SH3PXD2B: variants seen among roughly 807,000 people sequenced by gnomAD.
SH3PXD2B encodes the protein SH3 and PX domains 2B, also known as SH3 and PX domain-containing protein 2B.
A neutral mutation model predicts 73.1 loss-of-function variants in SH3PXD2B; 37 were observed. That is an observed-to-expected ratio of 0.51 (90% CI 0.39 to 0.67). The LOEUF (loss-of-function observed/expected upper bound fraction) is 0.67, where lower values mean the gene tolerates loss of function less well. SH3PXD2B is among the 30% of genes least tolerant of loss of function. The pLI, the probability that SH3PXD2B is intolerant of heterozygous loss-of-function variation, is 0.00. For missense variants in SH3PXD2B, 1,053 were observed against 1,197.8 expected, an observed-to-expected ratio of 0.88 and a Z score of 1.78; for synonymous variants, 457 against 480.5, an observed-to-expected ratio of 0.95 and a Z score of 0.64.
chr5:172,334,178 C>G lies in SH3PXD2B; in HGVS notation c.*4191G>C, dbSNP rs1376779998. 23 of 1,109,210 alleles carry G rather than the reference C, an allele frequency of 2.1e-5. No individual in the cohort carries two copies. Among genetic ancestry groups the G allele is most frequent in the Non-Finnish European group, 2.3e-5 (21 of 907,090 alleles). The allele number at this position is 1,109,210 out of a possible 1,614,324, so 68.7% of individuals were successfully genotyped here. On this transcript the variant is annotated 3_prime_UTR_variant, in exon 13 of 13. Coordinates refer to ENST00000311601, the MANE Select transcript of SH3PXD2B (RefSeq NM_001017995.3). ...TGAAACATGAGGAGGAGCTCGATAA[C>G]TTGGCAGAATAGCACCAGAAACCAG...
rs576336197 is a variant in SH3PXD2B at position 172,339,953 on chromosome 5, T to C, written c.1189-37A>G. 8 of 1,613,052 alleles carry C rather than the reference T, an allele frequency of 5.0e-6. No homozygotes were observed. In the South Asian group the frequency reaches 6.6e-5, roughly 13 times the overall value. ...GATAGAGAAAGGCACTTGGCTACGA[T>C]GCCAGGGCCAGCAGATGGAATGGTT... On this transcript the variant is annotated intron_variant, in intron 12 of 12. Transcript: ENST00000311601. The surrounding 1 kb of genome is among the most constrained non-coding windows in gnomAD (Gnocchi z 6.1).
rs1756668210 is a variant in SH3PXD2B at position 172,335,553 on chromosome 5, G to C, written c.*2816C>G. ...AGGGCTGGTCCTATCCGCCTCACAG[G>C]CTTGCCGTAAGGATTAAAGGAGCGT... On this transcript the variant is annotated 3_prime_UTR_variant, in exon 13 of 13. Transcript: ENST00000311601. The C allele has an allele frequency of 4.9e-6, 6 of 1,231,666 alleles. No individual in the cohort carries two copies. Among genetic ancestry groups the C allele is most frequent in the South Asian group, 4.1e-5 (1 of 24,320 alleles). 76.3% of individuals were successfully genotyped at this position (1,231,666 alleles called of 1,614,324 possible).
intron 2 of SH3PXD2B, among the ~76,000 whole-genome samples, chr5:172,409,073 C>G (rs754354034): frequency 1.3e-5 from 2 of 152,064 alleles, no homozygotes; most frequent in Non-Finnish European, 2.9e-5. Context: ...CTATAGTCAT[C>G]CCACAGTACT....
At chr5:172,364,816 T>C (rs1462150960) in intron 6 of SH3PXD2B, among the ~76,000 whole-genome samples, 1 of 152,050 alleles carries the variant, frequency 6.6e-6, no homozygotes, top group Non-Finnish European at 1.5e-5. Context: ...AAATTGGCCA[T>C]GGTGGGAGTA....
chr5:172,340,085 G>A (rs1028215761), intron 12 of SH3PXD2B, among the ~76,000 whole-genome samples, 169 bp from the exon 13 acceptor site: 16 of 152,314 alleles, frequency 1.1e-4, no homozygotes, highest in African/African-American at 1.4e-4. Flanking sequence ...ACCATGTTCC[G>A]GGAATATCTT....
rs779715325 is a variant in SH3PXD2B at position 172,358,821 on chromosome 5, C to T, written c.619G>A (p.Glu207Lys). Residue 207 changes from glutamate to lysine, a missense_variant, in exon 8 of 13, where the codon GAA (glutamate) becomes AAA (lysine). Physicochemically the swap from Glu to Lys is moderately conservative, Grantham distance 56 (BLOSUM62 1). Around this residue, in one of 2 missense-constraint regions of SH3PXD2B, gnomAD observed 466 missense variants for 607.1 expected, o/e 0.77. Transcript: ENST00000311601. ...EQGWVPATCL[E>K]GQDGVQDEFS... ...TCATCCTGCACCCCATCCTGGCCTT[C>T]GAGGCACGTTGCAGGGACCCAGCCT... 1 of 1,613,878 alleles carries T rather than the reference C, an allele frequency of 6.2e-7. No individual in the cohort carries two copies. The highest frequency in any genetic ancestry group is 1.3e-5 in the African/African-American group (1 of 74,918).
intron 6 of SH3PXD2B, among the ~76,000 whole-genome samples, chr5:172,364,548 C>T (rs1263340652): frequency 1.3e-5 from 2 of 152,098 alleles, no homozygotes; most frequent in Non-Finnish European, 2.9e-5. Flanking sequence ...GCCTGTAGTC[C>T]CAGCTACTCA....
rs573955495 is a variant in SH3PXD2B, at chr5:172,450,092, T to C, written c.75+4186A>G. Reference sequence around the variant, plus strand: ...GGCAAATGGGCGTGGGGGATCTTTCTGGGGATGATGGAAATGTTATAATAC... The same window carrying C: ...GGCAAATGGGCGTGGGGGATCTTTCCGGGGATGATGGAAATGTTATAATAC... On this transcript the variant is annotated intron_variant, in intron 1 of 12. Transcript: ENST00000311601. 1.2e-4 allele frequency among the ~76,000 whole-genome samples: 18 copies of C among 152,256 alleles called. No individual in the cohort carries two copies. The East Asian group carries it at 3.1e-3, about 26-fold the overall frequency.
intron 6 of SH3PXD2B, among the ~76,000 whole-genome samples, chr5:172,369,720 A>T (rs1757660413): frequency 6.6e-6 from 1 of 152,156 alleles, no homozygotes; most frequent in Non-Finnish European, 1.5e-5. Flanking sequence ...GTGAGCCGAG[A>T]TCGCACCACT....
chr5:172,408,928 G>A (rs1758626919), intron 2 of SH3PXD2B, among the ~76,000 whole-genome samples: 1 of 152,032 alleles, frequency 6.6e-6, no homozygotes, highest in African/African-American at 2.4e-5. Context: ...TAGTAATGTT[G>A]ATTCACATAA....
rs199549275 is a variant in SH3PXD2B, at chr5:172,366,712, ACT to A, written c.428-3845_428-3844del. Among the ~76,000 whole-genome samples the A allele has an allele frequency of 6.2e-3, 936 of 151,692 alleles. 10 individuals carry two copies. Among genetic ancestry groups the A allele is most frequent in the African/African-American group, 0.02 (835 of 41,360 alleles). ...CAGCGGTGCAATCTCGGCTCACTGC[ACT>A]CTCTGCCTCCCGGGTGCAAGTGATT... On this transcript the variant is annotated intron_variant, in intron 6 of 12. Coordinates refer to ENST00000311601, the MANE Select transcript of SH3PXD2B (RefSeq NM_001017995.3).
chr5:172,346,348 G>A lies in SH3PXD2B; in HGVS notation c.1063-87C>T. The A allele has an allele frequency of 1.9e-6, 3 of 1,595,588 alleles. No individual in the cohort carries two copies. In the Admixed American group the frequency reaches 5.0e-5, roughly 27 times the overall value. ...GGGGGAGTCTAAGGGCCTGGGGCAT[G>A]CAATCACCCTTAAGGGGGTGCTGGG... On this transcript the variant is annotated intron_variant, in intron 11 of 12. Coordinates refer to ENST00000311601, the MANE Select transcript of SH3PXD2B (RefSeq NM_001017995.3).
intron 1 of SH3PXD2B, among the ~76,000 whole-genome samples, chr5:172,423,549 G>T (rs535629254): frequency 6.3e-5 from 9 of 142,868 alleles, no homozygotes; most frequent in Non-Finnish European, 1.1e-4. Flanking sequence ...CGGGGTTGGG[G>T]GGGGGGGCGC....
rs751225176 is a variant in SH3PXD2B, at chr5:172,394,656, C to A, written c.233-17G>T. On this transcript the variant is annotated splice_polypyrimidine_tract_variant and intron_variant, in intron 3 of 12. Coordinates refer to ENST00000311601, the MANE Select transcript of SH3PXD2B (RefSeq NM_001017995.3). ...GAATCTTACCTGCAGAAGATGAGAG[C>A]AAAGACAGTGTTGTCAGGGAACAGG... 2 of 1,613,402 alleles carry A rather than the reference C, an allele frequency of 1.2e-6. No individual in the cohort carries two copies. The highest frequency in any genetic ancestry group is 2.2e-5 in the South Asian group (2 of 90,952).
In SH3PXD2B at chr5:172,337,766, G is replaced by T; in HGVS notation, c.*603C>A. 1.0e-6 allele frequency: 1 copy of T among 996,502 alleles called. No homozygotes were observed. The highest frequency in any genetic ancestry group is 4.5e-5 in the South Asian group (1 of 22,428). The allele number at this position is 996,502 out of a possible 1,614,324, so 61.7% of individuals were successfully genotyped here. A position where few individuals can be genotyped will look rare whatever the true frequency, so the allele number is the denominator to read the frequency against. On this transcript the variant is annotated 3_prime_UTR_variant, in exon 13 of 13. Transcript: ENST00000311601. Reference sequence around the variant, plus strand: ...CGGATCTCCAGGCCCACTCCTGGGGGAGCCGCATCCAGTGGAACCTCAGAG... The same window carrying T: ...CGGATCTCCAGGCCCACTCCTGGGGTAGCCGCATCCAGTGGAACCTCAGAG...
intron 3 of SH3PXD2B, among the ~76,000 whole-genome samples, chr5:172,403,014 T>A (rs1005014868): frequency 6.6e-6 from 1 of 152,240 alleles, no homozygotes; most frequent in African/African-American, 2.4e-5. Context: ...AGCCAGCACC[T>A]CCTTGGCCAG....
In SH3PXD2B at chr5:172,334,373, C is replaced by T; in HGVS notation, c.*3996G>A. 1.0e-6 allele frequency: 1 copy of T among 993,110 alleles called. No individual in the cohort carries two copies. Among genetic ancestry groups the T allele is most frequent in the Non-Finnish European group, 1.2e-6 (1 of 835,872 alleles). 61.5% of individuals were successfully genotyped at this position (993,110 alleles called of 1,614,324 possible). On this transcript the variant is annotated 3_prime_UTR_variant, in exon 13 of 13. Coordinates refer to ENST00000311601, the MANE Select transcript of SH3PXD2B (RefSeq NM_001017995.3). ...AATTCCTCCAGGCCAAGAGAGGGCG[C>T]CCTGCACCCTCAGGCCTCGATGCAT... is the stretch of plus-strand genomic sequence containing the variant.
chr5:172,424,159 GC>G (rs1172874260), intron 1 of SH3PXD2B, among the ~76,000 whole-genome samples: 28 of 152,282 alleles, frequency 1.8e-4, no homozygotes, highest in African/African-American at 6.5e-4. Flanking sequence ...AGTTTCCTGG[GC>G]CAATAATTAT....
intron 2 of SH3PXD2B, among the ~76,000 whole-genome samples, chr5:172,406,902 G>C (rs1758573944): frequency 6.6e-6 from 1 of 152,142 alleles, no homozygotes; most frequent in Non-Finnish European, 1.5e-5. Context: ...GAAGAGAACT[G>C]ATCATTAAAA....
Sources: gnomAD v4.1 joint callset for allele counts (sites outside exome capture counted in the v4.1 genomes callset) on GRCh38, gnomAD v4.1.1 for gene constraint, gnomAD v4.1.1 regional missense constraint, Gnocchi (gnomAD v3.1) non-coding constraint, MANE v1.5 for transcripts, NCBI Gene and HGNC (gene_info 2026-07-23, HGNC 2026-07-21) for gene names.